The following SLC25A12 variants were observed in gnomAD, a reference collection of about 807,000 sequenced individuals.
The protein encoded by SLC25A12 is solute carrier family 25 member 12.
Under a neutral mutation model 83.3 loss-of-function variants are expected in SLC25A12, and 32 were observed. That is an observed-to-expected ratio of 0.38 (90% CI 0.29 to 0.52). The LOEUF is 0.52. Ranked by LOEUF, SLC25A12 falls within the 20% of genes least tolerant of loss-of-function variation. SLC25A12 has a pLI of 0.84. For synonymous variants in SLC25A12, 267 were observed against 291.1 expected (o/e 0.92, Z 0.84); for missense variants, 611 against 835.6 (o/e 0.73, Z 3.31).
intron 3 of SLC25A12, among the ~76,000 whole-genome samples, chr2:171,864,823 T>C (rs1269832418): frequency 1.3e-5 from 2 of 152,220 alleles, no homozygotes; most frequent in African/African-American, 4.8e-5. Flanking sequence ...CAGCACCTCA[T>C]TTCAGAAGTG....
intron 13 of SLC25A12, among the ~76,000 whole-genome samples, chr2:171,796,036 C>T (rs1051050805): frequency 5.9e-5 from 9 of 152,266 alleles, no homozygotes; most frequent in Middle Eastern, 3.4e-3. Flanking sequence ...CCTCAACCTC[C>T]CCAGGTTCAG....
intron 12 of SLC25A12, 79 bp from the exon 13 acceptor site, chr2:171,809,765 C>A (rs952429851): frequency 2.0e-6 from 2 of 991,976 alleles, no homozygotes; most frequent in African/African-American, 3.2e-5. Context: ...TCCAAGTCAG[C>A]AAAATATTTG....
chr2:171,819,734 T>A (rs1684144524), intron 9 of SLC25A12, among the ~76,000 whole-genome samples: 1 of 151,978 alleles, frequency 6.6e-6, no homozygotes, highest in African/African-American at 2.4e-5. Context: ...AAAAAAGGAA[T>A]TCCTAAATGG....
intron 13 of SLC25A12, among the ~76,000 whole-genome samples, chr2:171,807,716 A>C (rs561688559): frequency 2.0e-5 from 3 of 152,380 alleles, no homozygotes; most frequent in Admixed American, 2.0e-4. Flanking sequence ...ATAAAGGAAG[A>C]AGAGAAACTT....
At chr2:171,883,214 G>A (rs1685734184) in intron 2 of SLC25A12, among the ~76,000 whole-genome samples, 1 of 152,210 alleles carries the variant, frequency 6.6e-6, no homozygotes, top group African/African-American at 2.4e-5. Flanking sequence ...CAACTTAGAA[G>A]AGAAGGAAAG....
chr2:171,858,066 A>G (rs1191277480), intron 3 of SLC25A12, among the ~76,000 whole-genome samples: 2 of 152,100 alleles, frequency 1.3e-5, no homozygotes, highest in Non-Finnish European at 2.9e-5. Context: ...AAGCCAGCAT[A>G]TACTAGATCT....
intron 4 of SLC25A12, among the ~76,000 whole-genome samples, chr2:171,850,288 G>C (rs1255002605): frequency 7.7e-6 from 1 of 130,580 alleles, no homozygotes; most frequent in Non-Finnish European, 1.6e-5. Context: ...GCTAATTTTT[G>C]TATTTTTGCT....
At chr2:171,819,535 GAGTTA>G (rs553499433) in intron 9 of SLC25A12, among the ~76,000 whole-genome samples, 106 of 144,430 alleles carry the variant, frequency 7.3e-4, no homozygotes, top group Middle Eastern at 7.9e-3. Context: ...AGCAAAAAGG[GAGTTA>G]AGTTGTGTTA....
chr2:171,815,587 C>A lies in SLC25A12; in HGVS notation c.931-385G>T, dbSNP rs537518287. Among the ~76,000 whole-genome samples the A allele has an allele frequency of 1.5e-4, 23 of 151,868 alleles. No homozygotes were observed. In the South Asian group the frequency reaches 4.1e-3, roughly 27 times the overall value. On this transcript the variant is annotated intron_variant, in intron 9 of 17. Coordinates refer to ENST00000422440, the MANE Select transcript of SLC25A12 (RefSeq NM_003705.5). ...TTATAAAATTTTTTTCCTTCTTTAA[C>A]TAACTTAAAATTTAAAAAGCTTTCT...
intron 7 of SLC25A12, chr2:171,834,423 G>A (rs1287211698): frequency 8.6e-6 from 4 of 464,030 alleles, no homozygotes; most frequent in African/African-American, 7.8e-5. Context: ...AAAGGAGTAG[G>A]CTTGCTCATC....
chr2:171,840,347 C>T (rs890151777), intron 5 of SLC25A12, among the ~76,000 whole-genome samples: 2 of 151,666 alleles, frequency 1.3e-5, no homozygotes, highest in Admixed American at 1.3e-4. Flanking sequence ...GATCCTGTCA[C>T]TGCACTCCAG....
At chr2:171,814,876 G>A (rs1684017646) in intron 10 of SLC25A12, among the ~76,000 whole-genome samples, 1 of 152,168 alleles carries the variant, frequency 6.6e-6, no homozygotes, top group African/African-American at 2.4e-5. Context: ...GGTGAGTGCA[G>A]CACTGCATCC....
At chr2:171,787,744 G>A (rs781717632) in intron 16 of SLC25A12, 45 bp downstream of exon 16, 6 of 1,611,918 alleles carry the variant, frequency 3.7e-6, no homozygotes, top group Non-Finnish European at 2.5e-6. Flanking sequence ...AGGGGAGGAC[G>A]CTAGAGCCAG....
At chr2:171,869,545 C>T (rs779064340) in intron 2 of SLC25A12, among the ~76,000 whole-genome samples, 9 of 152,072 alleles carry the variant, frequency 5.9e-5, no homozygotes, top group Non-Finnish European at 1.2e-4. Context: ...ATTCCAAGTT[C>T]CAGTAGCCAG....
At chr2:171,888,725 G>T (rs191157500) in intron 2 of SLC25A12, among the ~76,000 whole-genome samples, 179 of 152,208 alleles carry the variant, frequency 1.2e-3, no homozygotes, top group African/African-American at 4.1e-3. Context: ...TTACAGGTGT[G>T]AGCCACCACA....
chr2:171,876,681 C>A lies in SLC25A12; in HGVS notation c.67-7858G>T, dbSNP rs191124484. ...ATGGGGGTCCCACTAGGTTGCCCCC[C>A]CACACACACATACACACTTAGTATA... is the stretch of plus-strand genomic sequence containing the variant. On this transcript the variant is annotated intron_variant, in intron 2 of 17. Transcript: ENST00000422440. Among the ~76,000 whole-genome samples the A allele has an allele frequency of 4.1e-4, 63 of 151,980 alleles. No individual in the cohort carries two copies. In the East Asian group the frequency reaches 6.0e-3, roughly 14 times the overall value.
At chr2:171,807,649 TTA>T (rs1359461361) in intron 13 of SLC25A12, among the ~76,000 whole-genome samples, 7 of 152,180 alleles carry the variant, frequency 4.6e-5, no homozygotes, top group African/African-American at 1.4e-4. Context: ...AAAAGAATAT[TTA>T]TGATTGGCAA....
chr2:171,875,209 A>C (rs1205107689), intron 2 of SLC25A12, among the ~76,000 whole-genome samples: 1 of 152,216 alleles, frequency 6.6e-6, no homozygotes, highest in Non-Finnish European at 1.5e-5. Context: ...GGTAAGCACC[A>C]AGTGGCCAAT....
intron 14 of SLC25A12, among the ~76,000 whole-genome samples, chr2:171,791,987 G>A (rs533109664): frequency 6.6e-5 from 10 of 152,206 alleles, no homozygotes; most frequent in Middle Eastern, 3.4e-3. Flanking sequence ...GAGAGTCCCC[G>A]CAGTGCCAGG....
Sources: gnomAD v4.1 joint callset for allele counts (sites outside exome capture counted in the v4.1 genomes callset) on GRCh38, gnomAD v4.1.1 for gene constraint, MANE v1.5 for transcripts, NCBI Gene and HGNC (gene_info 2026-07-23, HGNC 2026-07-21) for gene names.